RHOU: variants seen among roughly 807,000 people sequenced by gnomAD.
RHOU encodes the protein ras homolog family member U.
RHOU carries 8 observed loss-of-function variants against 12.6 expected under a neutral mutation model. The observed-to-expected ratio is 0.64, with a 90% CI of 0.37 to 1.15. The LOEUF (loss-of-function observed/expected upper bound fraction) is 1.15, where lower values mean the gene tolerates loss of function less well. RHOU is among the 50% of genes most tolerant of loss of function. The pLI is 0.01. For missense variants in RHOU, 258 were observed against 347.0 expected (o/e 0.74, Z 2.04); for synonymous variants, 161 against 147.4 (o/e 1.09, Z -0.67).
Position 228,743,241 on chromosome 1 carries a change from G to T in RHOU, c.322-44G>T, listed in dbSNP as rs767495727. On this transcript the variant is annotated intron_variant, in intron 2 of 2. Coordinates refer to ENST00000366691, the MANE Select transcript of RHOU (RefSeq NM_021205.6). The surrounding 1 kb of genome is among the most constrained non-coding windows in gnomAD (Gnocchi z 5.1). ...GTGAAGGTGATCTTTTTACTGATGA[G>T]AATTCATGAAAACATAACTTTTGGG... The T allele has an allele frequency of 8.4e-6, 13 of 1,539,868 alleles. No homozygotes were observed. The highest frequency in any genetic ancestry group is 1.4e-5 in the African/African-American group (1 of 73,168).
chr1:228,732,587 G>A (rs1331656241), upstream of RHOU, among the ~76,000 whole-genome samples: 2 of 152,186 alleles, frequency 1.3e-5, no homozygotes, highest in African/African-American at 4.8e-5. Context: ...CTACAGAAGA[G>A]TCTCATGAAT....
At chr1:228,686,610 C>T in the RHOU span, among the ~76,000 whole-genome samples, 3 of 152,104 alleles carry the variant, frequency 2.0e-5, no homozygotes, top group Non-Finnish European at 2.9e-5. Context: ...AGTATTGGGT[C>T]GGTGCAAAAC....
chr1:228,712,689 T>C, the RHOU span, among the ~76,000 whole-genome samples: 17 of 144,704 alleles, frequency 1.2e-4, no homozygotes, highest in Admixed American at 2.7e-4. Flanking sequence ...AGGGATAGCA[T>C]TGGGAGATAT....
chr1:228,669,289 C>A, the RHOU span, among the ~76,000 whole-genome samples: 1 of 152,144 alleles, frequency 6.6e-6, no homozygotes, highest in Non-Finnish European at 1.5e-5. Flanking sequence ...AGGAGTTGGA[C>A]AAGCTGCTTC....
At chr1:228,678,578 A>C in the RHOU span, among the ~76,000 whole-genome samples, 1 of 152,210 alleles carries the variant, frequency 6.6e-6, no homozygotes, top group Non-Finnish European at 1.5e-5. Context: ...GGCATTAATG[A>C]TGGAGGACCC....
At chr1:228,690,282 G>A in the RHOU span, among the ~76,000 whole-genome samples, 2 of 152,076 alleles carry the variant, frequency 1.3e-5, no homozygotes, top group African/African-American at 4.8e-5. Flanking sequence ...AGAGGGCCAA[G>A]TGGGCAACTT....
chr1:228,706,147 G>A, the RHOU span, among the ~76,000 whole-genome samples: 14 of 152,184 alleles, frequency 9.2e-5, no homozygotes, highest in African/African-American at 3.4e-4. Context: ...ATGATCCCCA[G>A]CTGCTGTGAG....
rs1212177813 is a variant in RHOU, at chr1:228,743,546, A to G, written c.583A>G (p.Ile195Val). The change falls in exon 3 of 3, where the codon ATC becomes GTC. Residue 195 changes from isoleucine to valine, a missense_variant. By Grantham distance (29) the Ile-to-Val change is conservative (BLOSUM62 3). Coordinates refer to ENST00000366691, the MANE Select transcript of RHOU (RefSeq NM_021205.6). This position sits in a 1 kb window ranked among gnomAD's most constrained non-coding sequence, Gnocchi z 5.1. Reference protein sequence around the residue: ...EEAAKLCAEEIKAASYIECSA... With the variant: ...EEAAKLCAEEVKAASYIECSA... Reference sequence around the variant, plus strand: ...GGCGGCTAAGCTGTGCGCCGAGGAAATCAAAGCCGCCTCCTACATCGAGTG... The same window carrying G: ...GGCGGCTAAGCTGTGCGCCGAGGAAGTCAAAGCCGCCTCCTACATCGAGTG... 6.2e-7 allele frequency: 1 copy of G among 1,614,220 alleles called. No individual in the cohort carries two copies. Among genetic ancestry groups the G allele is most frequent in the Non-Finnish European group, 8.5e-7 (1 of 1,180,042 alleles).
At chr1:228,722,654 C>T in the RHOU span, among the ~76,000 whole-genome samples, 2 of 149,412 alleles carry the variant, frequency 1.3e-5, no homozygotes, top group Admixed American at 6.7e-5. Flanking sequence ...GATGGAGTCT[C>T]GCTCTATCAG....
Position 228,735,856 on chromosome 1 carries a change from C to G in RHOU, c.114C>G (p.Gly38=), listed in dbSNP as rs775005383. ...GACGCGGGCCTGGGGAGCCGGGGGG[C>G]CGGGGGCGTGCGGGGGGTGCCGAGG... ...RGGRGPGEPG[G]RGRAGGAEGR... is the part of the protein sequence containing the mutation. The change falls in exon 1 of 3, where the codon GGC becomes GGG. Residue 38 remains glycine (G), a synonymous_variant. Transcript: ENST00000366691. The surrounding 1 kb of genome is among the most constrained non-coding windows in gnomAD (Gnocchi z 8.1). 1 of 1,393,210 alleles carries G rather than the reference C, an allele frequency of 7.2e-7. No homozygotes were observed. The highest frequency in any genetic ancestry group is 9.3e-7 in the Non-Finnish European group (1 of 1,074,616). The allele number at this position is 1,393,210 out of a possible 1,614,324, so 86.3% of individuals were successfully genotyped here.
At chr1:228,736,828 T>A (rs1258971510) in intron 1 of RHOU, among the ~76,000 whole-genome samples, 1 of 147,642 alleles carries the variant, frequency 6.8e-6, no homozygotes, top group Non-Finnish European at 1.5e-5. Context: ...ACTGTCTTGC[T>A]TCTTTAAAAA....
At chr1:228,689,223 C>A in the RHOU span, among the ~76,000 whole-genome samples, 2 of 152,094 alleles carry the variant, frequency 1.3e-5, no homozygotes, top group African/African-American at 4.8e-5. Flanking sequence ...GTTTGTCAGA[C>A]CCAACCCTCG....
chr1:228,722,609 A>G, the RHOU span, among the ~76,000 whole-genome samples: 6 of 149,656 alleles, frequency 4.0e-5, no homozygotes, highest in African/African-American at 1.5e-4. Context: ...CAGACCATCC[A>G]TGGAGTTATC....
the RHOU span, among the ~76,000 whole-genome samples, chr1:228,676,232 A>C: frequency 6.6e-6 from 1 of 151,932 alleles, no homozygotes; most frequent in Non-Finnish European, 1.5e-5. Flanking sequence ...TGACCTTCCA[A>C]AGCACTGAGA....
chr1:228,692,765 G>A, the RHOU span, among the ~76,000 whole-genome samples: 12 of 151,574 alleles, frequency 7.9e-5, no homozygotes, highest in African/African-American at 2.7e-4. Context: ...GTTTATGGAT[G>A]TGCCCTATGG....
chr1:228,659,338 A>T, the RHOU span, among the ~76,000 whole-genome samples: 1 of 152,088 alleles, frequency 6.6e-6, no homozygotes, highest in Admixed American at 6.6e-5. Flanking sequence ...AGATCACACC[A>T]TTGCACTCCA....
At chr1:228,666,068 C>T in the RHOU span, among the ~76,000 whole-genome samples, 1,854 of 152,088 alleles carry the variant, frequency 0.012, 16 homozygotes, top group Middle Eastern at 0.037. Flanking sequence ...AGTGATCCCC[C>T]CACCTGAGCC....
upstream of RHOU, among the ~76,000 whole-genome samples, chr1:228,732,680 G>T (rs191341434): frequency 5.9e-5 from 9 of 152,248 alleles, no homozygotes; most frequent in East Asian, 9.6e-4. Flanking sequence ...GCCCAAATGA[G>T]TGGGCGTGGG....
chr1:228,687,850 G>T, the RHOU span: 1 of 1,141,908 alleles, frequency 8.8e-7, no homozygotes, highest in Non-Finnish European at 1.3e-6. Flanking sequence ...TTTCCACATA[G>T]CCGTGGGAGT....
Sources: gnomAD v4.1 joint callset for allele counts (sites outside exome capture counted in the v4.1 genomes callset) on GRCh38, gnomAD v4.1.1 for gene constraint, Gnocchi (gnomAD v3.1) non-coding constraint, MANE v1.5 for transcripts, NCBI Gene and HGNC (gene_info 2026-07-23, HGNC 2026-07-21) for gene names.